The following FASTKD2 variants were observed in gnomAD, a reference collection of about 807,000 sequenced individuals.
FASTKD2 encodes FAST kinase domain-containing protein 2, mitochondrial.
Under a neutral mutation model 63.6 loss-of-function variants are expected in FASTKD2, and 51 were observed. That is an observed-to-expected ratio of 0.80 (90% CI 0.64 to 1.01). The LOEUF is 1.01. Among genes scored for constraint, FASTKD2 ranks in the 50% least tolerant of loss-of-function variants. FASTKD2 has a pLI of 0.00. For missense variants in FASTKD2, 786 were observed against 831.1 expected (o/e 0.95, Z 0.67); for synonymous variants, 284 against 293.4 (o/e 0.97, Z 0.33).
chr2:206,768,881 G>A (rs1689595001), intron 2 of FASTKD2, among the ~76,000 whole-genome samples: 1 of 152,268 alleles, frequency 6.6e-6, no homozygotes, highest in South Asian at 2.1e-4. Flanking sequence ...GTGTATGTGT[G>A]TGTATTTGTT....
chr2:206,766,788 G>A lies in FASTKD2; in HGVS notation c.95G>A (p.Ser32Asn), dbSNP rs1689499627. 6.2e-7 allele frequency: 1 copy of A among 1,613,342 alleles called. No homozygotes were observed. The highest frequency in any genetic ancestry group is 1.1e-5 in the South Asian group (1 of 90,998). Residue 32 changes from serine (S) to asparagine (N), a missense_variant, in exon 2 of 12, where the codon AGT (serine) becomes AAT (asparagine). Physicochemically the swap from Ser to Asn is conservative, Grantham distance 46. Transcript: ENST00000402774. ...TTTTTCTGGAACCTTAGACAATTCA[G>A]TACATTAGTTTCAACAAGCAGAACT... is the stretch of plus-strand genomic sequence containing the variant. ...GSFFWNLRQF[S>N]TLVSTSRTMR... is the part of the protein sequence containing the mutation.
chr2:206,790,541 C>A, intron 10 of FASTKD2, 31 bp from the exon 11 acceptor site: 1 of 1,258,766 alleles, frequency 7.9e-7, no homozygotes, highest in Non-Finnish European at 1.2e-6. Flanking sequence ...ATATCAATAA[C>A]TGTTCTTGTT....
chr2:206,786,800 T>A lies in FASTKD2; in HGVS notation c.1495T>A (p.Leu499Met). The A allele has an allele frequency of 6.2e-7, 1 of 1,613,648 alleles. No individual in the cohort carries two copies. The highest frequency in any genetic ancestry group is 8.5e-7 in the Non-Finnish European group (1 of 1,179,534). ...TCACACTATTTCTTCTGAAAACTTA[T>A]TGGATGCAGTATATTCATTTTGCTT... ...YLHTISSENL[L>M]DAVYSFCLMN... Residue 499 changes from leucine (L) to methionine (M), a missense_variant, in exon 8 of 12, where the codon TTG becomes ATG. By Grantham distance (15) the Leu-to-Met change is conservative. Coordinates refer to ENST00000402774, the MANE Select transcript of FASTKD2 (RefSeq NM_001136193.2).
chr2:206,786,019 GTTTAT>G (rs1690128577), intron 7 of FASTKD2, among the ~76,000 whole-genome samples: 1 of 152,198 alleles, frequency 6.6e-6, no homozygotes, highest in Non-Finnish European at 1.5e-5. Context: ...AAAAGCTTCT[GTTTAT>G]TTTCTTTCCT....
chr2:206,771,384 T>C, intron 4 of FASTKD2, 94 bp downstream of exon 4: 1 of 756,178 alleles, frequency 1.3e-6, no homozygotes, highest in Non-Finnish European at 2.4e-6. Context: ...TAGGAGGACA[T>C]TGCTGGGCTT....
chr2:206,778,835 T>A (rs1162669868), intron 7 of FASTKD2, among the ~76,000 whole-genome samples: 4 of 152,110 alleles, frequency 2.6e-5, no homozygotes, highest in African/African-American at 9.7e-5. Flanking sequence ...TATTGTGAAC[T>A]GTGCATGTGA....
Position 206,767,429 on chromosome 2 carries a change from C to G in FASTKD2, c.736C>G (p.Gln246Glu). ...LHAIVKLGIPQNTILVQTLLR... is the reference protein window; with the variant it reads ...LHAIVKLGIPENTILVQTLLR... ...CGCCATAGTGAAGCTTGGAATCCCT[C>G]AGAACACTATTTTGGTGCAGACTTT... Residue 246 changes from glutamine to glutamate, a missense_variant, in exon 2 of 12, where the codon CAG becomes GAG. Physicochemically the swap from Gln to Glu is conservative, Grantham distance 29. Transcript: ENST00000402774. The G allele has an allele frequency of 6.2e-7, 1 of 1,612,914 alleles. No homozygotes were observed. The highest frequency in any genetic ancestry group is 8.5e-7 in the Non-Finnish European group (1 of 1,180,000).
At position 206,771,932 on chromosome 2, in the gene FASTKD2, G is replaced by A. The variant is rs1553596141; in HGVS notation, c.1029G>A (p.Leu343=). ...ALRELDRFSV[L]NSQHMFEVLA... ...GGGAATTAGACAGATTTTCTGTTTT[G>A]AATAGCCAACACATGTTTGAAGTAC... The change falls in exon 5 of 12, where the codon TTG becomes TTA. Residue 343 remains leucine, a synonymous_variant. Transcript: ENST00000402774. The A allele has an allele frequency of 6.2e-7, 1 of 1,610,582 alleles. No homozygotes were observed. Among genetic ancestry groups the A allele is most frequent in the Non-Finnish European group, 8.5e-7 (1 of 1,176,850 alleles).
chr2:206,770,081 A>G lies in FASTKD2; in HGVS notation c.778-10A>G, dbSNP rs1574663004. The stretch of plus-strand genomic sequence containing the variant: ...TCACCTGTAGTGTTTTTGTAATTAT[A>G]TTTCAATAGGAACGTATCAATGAGT... On this transcript the variant is annotated splice_polypyrimidine_tract_variant and intron_variant, in intron 2 of 11. Coordinates refer to ENST00000402774, the MANE Select transcript of FASTKD2 (RefSeq NM_001136193.2). 1 of 1,563,128 alleles carries G rather than the reference A, an allele frequency of 6.4e-7. No individual in the cohort carries two copies. The highest frequency in any genetic ancestry group is 2.2e-5 in the East Asian group (1 of 44,626).
intron 7 of FASTKD2, among the ~76,000 whole-genome samples, chr2:206,782,467 C>T (rs1045047478): frequency 1.3e-5 from 2 of 152,198 alleles, no homozygotes; most frequent in Non-Finnish European, 2.9e-5. Context: ...TTCATTTGGT[C>T]TCAAGCTACT....
At chr2:206,791,323 T>A (rs570922319) in intron 11 of FASTKD2, 103 of 237,920 alleles carry the variant, frequency 4.3e-4, no homozygotes, top group Non-Finnish European at 5.2e-4. Context: ...ACTTTAGTAT[T>A]GGAAATGGAT....
At chr2:206,769,706 G>T (rs1689614670) in intron 2 of FASTKD2, among the ~76,000 whole-genome samples, 1 of 152,340 alleles carries the variant, frequency 6.6e-6, no homozygotes, top group African/African-American at 2.4e-5. Context: ...GTTACCTTCT[G>T]TACTTCAGTA....
chr2:206,787,121 A>C (rs1413288397), intron 8 of FASTKD2, among the ~76,000 whole-genome samples: 1 of 152,198 alleles, frequency 6.6e-6, no homozygotes, highest in African/African-American at 2.4e-5. Context: ...CATGTAGAAA[A>C]AAATAAGGAA....
chr2:206,783,921 T>A (rs1690064808), intron 7 of FASTKD2, among the ~76,000 whole-genome samples: 1 of 152,160 alleles, frequency 6.6e-6, no homozygotes, highest in African/African-American at 2.4e-5. Flanking sequence ...TGGCCTCTAG[T>A]GGACAGAGGC....
At chr2:206,779,440 C>T (rs960599016) in intron 7 of FASTKD2, among the ~76,000 whole-genome samples, 5 of 152,148 alleles carry the variant, frequency 3.3e-5, no homozygotes, top group Admixed American at 1.3e-4. Context: ...AATTGACCAA[C>T]AGTTCCACAT....
chr2:206,791,848 A>G lies in FASTKD2; in HGVS notation c.*46A>G. On this transcript the variant is annotated 3_prime_UTR_variant, in exon 12 of 12. Transcript: ENST00000402774. ...TATTAGGAGACATGCATTTGTAAAA[A>G]TTAATAAAGATGACAAGTCAGTTGT... is the stretch of plus-strand genomic sequence containing the variant. 6.4e-7 allele frequency: 1 copy of G among 1,570,614 alleles called. No individual in the cohort carries two copies. The highest frequency in any genetic ancestry group is 2.2e-5 in the East Asian group (1 of 44,524).
chr2:206,787,437 T>C (rs1182077876), intron 8 of FASTKD2, among the ~76,000 whole-genome samples: 1 of 152,216 alleles, frequency 6.6e-6, no homozygotes, highest in African/African-American at 2.4e-5. Flanking sequence ...TTCAGGTAGA[T>C]GTACAAAATT....
intron 7 of FASTKD2, among the ~76,000 whole-genome samples, chr2:206,778,383 C>G (rs1202884966): frequency 6.6e-6 from 1 of 151,736 alleles, no homozygotes; most frequent in Non-Finnish European, 1.5e-5. Flanking sequence ...TCTAATTTCC[C>G]TTTTGATTTC....
intron 7 of FASTKD2, among the ~76,000 whole-genome samples, chr2:206,784,882 G>A: frequency 6.6e-6 from 1 of 152,220 alleles, no homozygotes; most frequent in East Asian, 1.9e-4. Context: ...TGTGTAATGG[G>A]TAAGGTAGAT....
Sources: gnomAD v4.1 joint callset for allele counts (sites outside exome capture counted in the v4.1 genomes callset) on GRCh38, gnomAD v4.1.1 for gene constraint, MANE v1.5 for transcripts, NCBI Gene and HGNC (gene_info 2026-07-23, HGNC 2026-07-21) for gene names.